The following CCL11 variants were observed in gnomAD, a reference collection of about 807,000 sequenced individuals.
The protein encoded by CCL11 is eotaxin.
Under a neutral mutation model 7.3 loss-of-function variants are expected in CCL11, and 7 were observed. The ratio of observed to expected loss-of-function variants is 0.96; its 90% confidence interval spans 0.55 to 1.81. CCL11 has a LOEUF of 1.81. CCL11 is among the 40% of genes most tolerant of loss of function. The pLI, the probability that CCL11 is intolerant of heterozygous loss-of-function variation, is 0.00. For missense variants in CCL11, 132 were observed against 114.2 expected (o/e 1.16, Z -0.71); for synonymous variants, 66 against 45.2 (o/e 1.46, Z -1.84).
chr17:34,287,700 A>G lies in CCL11; in HGVS notation c.*10A>G, dbSNP rs200831316. The G allele has an allele frequency of 2.3e-5, 37 of 1,589,092 alleles. No homozygotes were observed. Among genetic ancestry groups the G allele is most frequent in the Non-Finnish European group, 3.2e-5 (37 of 1,157,862 alleles). On this transcript the variant is annotated 3_prime_UTR_variant, in exon 3 of 3. Transcript: ENST00000305869. Reference sequence around the variant, plus strand: ...AACTCCAAAGCCATAAATAATCACCATTTTTGAAACCAAACCAGAGCCTGA... The same window carrying G: ...AACTCCAAAGCCATAAATAATCACCGTTTTTGAAACCAAACCAGAGCCTGA...
At chr17:34,285,975 C>A in intron 1 of CCL11, 91 bp downstream of exon 1, 1 of 844,516 alleles carries the variant, frequency 1.2e-6, no homozygotes, top group Non-Finnish European at 1.8e-6. Context: ...ACTGCAAATT[C>A]TCCATTTGAA....
In CCL11 at chr17:34,287,788, A is replaced by C; in HGVS notation, c.*98A>C. On this transcript the variant is annotated 3_prime_UTR_variant, in exon 3 of 3. Coordinates refer to ENST00000305869, the MANE Select transcript of CCL11 (RefSeq NM_002986.3). Reference sequence around the variant, plus strand: ...CTGAGGTAACCTCATTATCAGTCCAAAGGGCATGGGTTTTATTATATATAT... The same window carrying C: ...CTGAGGTAACCTCATTATCAGTCCACAGGGCATGGGTTTTATTATATATAT... 1.5e-6 allele frequency: 1 copy of C among 657,910 alleles called. No homozygotes were observed. The allele number at this position is 657,910 out of a possible 1,614,324, so 40.8% of individuals were successfully genotyped here.
chr17:34,286,060 TAGAAAGCTCCCG>T (rs1363420664), intron 1 of CCL11, among the ~76,000 whole-genome samples, 176 bp downstream of exon 1: 1 of 152,206 alleles, frequency 6.6e-6, no homozygotes, highest in African/African-American at 2.4e-5. Flanking sequence ...GAGCCAGAAC[TAGAAAGCTCCCG>T]AGTCTTTTCC....
At chr17:34,287,354 C>T (rs1160501470) in intron 2 of CCL11, 147 bp downstream of exon 2, 1 of 672,482 alleles carries the variant, frequency 1.5e-6, no homozygotes, top group Non-Finnish European at 2.6e-6. Flanking sequence ...AGTGAGTGTT[C>T]ACTCCCAGCT....
Sources: allele counts gnomAD v4.1 joint callset (sites outside exome capture counted in the v4.1 genomes callset), GRCh38; gene constraint gnomAD v4.1.1; transcripts MANE v1.5; gene names NCBI Gene and HGNC (gene_info 2026-07-23, HGNC 2026-07-21).